Variants in KLF12 observed in about 807,000 individuals in gnomAD.
KLF12 encodes Krueppel-like factor 12.
A neutral mutation model predicts 37.8 loss-of-function variants in KLF12; 9 were observed. The observed-to-expected ratio is 0.24, with a 90% CI of 0.14 to 0.42. The LOEUF (loss-of-function observed/expected upper bound fraction) is 0.42, where lower values mean the gene tolerates loss of function less well. Among genes scored for constraint, KLF12 ranks in the 10% least tolerant of loss-of-function variants. KLF12 has a pLI of 1.00. For missense variants in KLF12, 411 were observed against 516.0 expected, an observed-to-expected ratio of 0.80 and a Z score of 1.97; for synonymous variants, 208 against 202.1, an observed-to-expected ratio of 1.03 and a Z score of -0.25.
intron 2 of KLF12, among the ~76,000 whole-genome samples, chr13:73,969,919 T>C (rs564744166): frequency 7.2e-5 from 11 of 152,218 alleles, no homozygotes; most frequent in African/African-American, 2.7e-4. Flanking sequence ...GACCTACCTA[T>C]CTTTTGTTCT....
chr13:74,053,964 A>C (rs1437179440), intron 1 of KLF12, among the ~76,000 whole-genome samples: 1 of 152,152 alleles, frequency 6.6e-6, no homozygotes. Flanking sequence ...TACTATGAAC[A>C]TTTAGAGGCA....
intron 5 of KLF12, among the ~76,000 whole-genome samples, chr13:73,772,928 G>C (rs971944059): frequency 6.6e-6 from 1 of 152,158 alleles, no homozygotes; most frequent in African/African-American, 2.4e-5. Context: ...CGTATCTGCA[G>C]GATCTGGTCT....
the KLF12 span, among the ~76,000 whole-genome samples, chr13:74,165,869 C>A: frequency 2.6e-5 from 4 of 152,140 alleles, no homozygotes; most frequent in Admixed American, 1.3e-4. Context: ...ATGTTAGGAT[C>A]CCACATTGCC....
intron 5 of KLF12, among the ~76,000 whole-genome samples, chr13:73,797,989 T>C (rs1464117243): frequency 6.6e-6 from 1 of 152,144 alleles, no homozygotes; most frequent in African/African-American, 2.4e-5. Context: ...TAATTTACCA[T>C]ATAATCCCTT....
intron 3 of KLF12, among the ~76,000 whole-genome samples, chr13:73,871,827 C>T (rs1005548781): frequency 6.6e-6 from 1 of 151,378 alleles, no homozygotes; most frequent in South Asian, 2.1e-4. Flanking sequence ...TTCCACTTCC[C>T]ATGCTGTATT....
chr13:74,066,410 C>T (rs184728986), intron 1 of KLF12, among the ~76,000 whole-genome samples: 55 of 152,090 alleles, frequency 3.6e-4, no homozygotes, highest in Admixed American at 9.8e-4. Context: ...GCCTATAATC[C>T]CAACACTTTG....
At chr13:74,093,983 A>G (rs960898167) in intron 1 of KLF12, among the ~76,000 whole-genome samples, 2 of 151,536 alleles carry the variant, frequency 1.3e-5, no homozygotes, top group South Asian at 2.1e-4. Flanking sequence ...AAAAAATACA[A>G]TAGCTAGTTC....
chr13:74,207,314 A>C, the KLF12 span, among the ~76,000 whole-genome samples: 1 of 152,220 alleles, frequency 6.6e-6, no homozygotes, highest in Non-Finnish European at 1.5e-5. Context: ...AAACCATAAC[A>C]GTCATACACA....
At chr13:74,083,182 G>A (rs1356974686) in intron 1 of KLF12, among the ~76,000 whole-genome samples, 1 of 152,092 alleles carries the variant, frequency 6.6e-6, no homozygotes, top group Non-Finnish European at 1.5e-5. Flanking sequence ...AAGGAGTAAT[G>A]GTAATTTAGA....
chr13:73,886,264 T>C (rs1173412390), intron 3 of KLF12, among the ~76,000 whole-genome samples: 10 of 152,236 alleles, frequency 6.6e-5, no homozygotes, highest in Non-Finnish European at 1.5e-4. Context: ...AACGGTTTCG[T>C]ACATGAGCAT....
intron 1 of KLF12, among the ~76,000 whole-genome samples, chr13:74,131,518 T>C (rs1406062116): frequency 6.6e-6 from 1 of 152,156 alleles, no homozygotes; most frequent in Non-Finnish European, 1.5e-5. Flanking sequence ...TACTCCCAAA[T>C]GATAGTCATT....
chr13:73,862,313 CACA>C (rs1200968039), intron 3 of KLF12, among the ~76,000 whole-genome samples: 2 of 152,120 alleles, frequency 1.3e-5, no homozygotes, highest in Non-Finnish European at 2.9e-5. Flanking sequence ...GTTTATTCCT[CACA>C]ACATCTCAAT....
the KLF12 span, among the ~76,000 whole-genome samples, chr13:74,175,233 G>A: frequency 1.3e-5 from 2 of 152,124 alleles, no homozygotes; most frequent in African/African-American, 4.8e-5. Flanking sequence ...GACCCCCAAG[G>A]GAGGCTGCAA....
chr13:74,012,927 C>T (rs1016022016), intron 1 of KLF12, among the ~76,000 whole-genome samples: 13 of 152,128 alleles, frequency 8.5e-5, no homozygotes, highest in African/African-American at 3.1e-4. Flanking sequence ...CGATAGAGCC[C>T]GTTATGGGTG....
chr13:73,980,139 A>T (rs1384853166), intron 2 of KLF12, among the ~76,000 whole-genome samples: 1 of 152,174 alleles, frequency 6.6e-6, no homozygotes, highest in South Asian at 2.1e-4. Context: ...GTACAATCTT[A>T]CCCTAATGCA....
Position 73,810,982 on chromosome 13 carries a change from C to CTTTCTTTTTTTTTTTTTTTTTTTTTT in KLF12, c.806+2169_806+2170insAAAAAAAAAAAAAAAAAAAAAAGAAA, listed in dbSNP as rs1555308731. Among the ~76,000 whole-genome samples, 17 of 44,806 alleles carry CTTTCTTTTTTTTTTTTTTTTTTTTTT rather than the reference C, an allele frequency of 3.8e-4. 1 individual carries two copies. The highest frequency in any genetic ancestry group is 1.4e-3 in the African/African-American group (17 of 11,858). 29.4% of individuals were successfully genotyped at this position (44,806 alleles called of 152,430 possible). A position where few individuals can be genotyped will look rare whatever the true frequency, so the allele number is the denominator to read the frequency against. On this transcript the variant is annotated intron_variant, in intron 5 of 7. Coordinates refer to ENST00000377669, the MANE Select transcript of KLF12 (RefSeq NM_007249.5). ...ATGTTTATTTTTTTAATTTTTCTTTCTTTTTTTTTTTTTTTTTTTTTTTTT... is the reference window on the plus strand; with the variant it reads ...ATGTTTATTTTTTTAATTTTTCTTTCTTTCTTTTTTTTTTTTTTTTTTTTTTTTTTTTTTTTTTTTTTTTTTTTTTT...
At chr13:74,109,135 T>C (rs948506060) in intron 1 of KLF12, among the ~76,000 whole-genome samples, 2 of 151,960 alleles carry the variant, frequency 1.3e-5, no homozygotes, top group East Asian at 1.9e-4. Flanking sequence ...TGAAAAAAAG[T>C]TGATAAAACA....
At chr13:73,855,637 T>C (rs982083242) in intron 3 of KLF12, among the ~76,000 whole-genome samples, 3 of 152,192 alleles carry the variant, frequency 2.0e-5, no homozygotes, top group African/African-American at 7.2e-5. Flanking sequence ...GGCCGAATGG[T>C]AGTCCAGCTC....
At chr13:74,218,199 G>C in the KLF12 span, among the ~76,000 whole-genome samples, 1 of 152,180 alleles carries the variant, frequency 6.6e-6, no homozygotes, top group African/African-American at 2.4e-5. Context: ...ATGCCTTCTT[G>C]AGGCAATAGA....
Sources: gnomAD v4.1 joint callset for allele counts (sites outside exome capture counted in the v4.1 genomes callset) on GRCh38, gnomAD v4.1.1 for gene constraint, MANE v1.5 for transcripts, NCBI Gene and HGNC (gene_info 2026-07-23, HGNC 2026-07-21) for gene names.